Variants in SERPINA7 observed in about 807,000 individuals in gnomAD.
The protein encoded by SERPINA7 is serpin family A member 7, also known as thyroxine-binding globulin.
SERPINA7 carries 14 observed loss-of-function variants against 16.0 expected under a neutral mutation model. The observed-to-expected ratio is 0.88, with a 90% CI of 0.58 to 1.37. The LOEUF (loss-of-function observed/expected upper bound fraction) is 1.37, where lower values mean the gene tolerates loss of function less well. Ranked by LOEUF, SERPINA7 falls within the 40% of genes most tolerant of loss-of-function variation. The probability of loss-of-function intolerance (pLI) is 0.00; values close to 1 mark genes in which losing one functional copy is unlikely to be tolerated. For synonymous variants in SERPINA7, 140 were observed against 111.0 expected (o/e 1.26, Z -1.65); for missense variants, 335 against 296.6 (o/e 1.13, Z -0.95).
chrX:106,033,914 T>C lies in SERPINA7; in HGVS notation c.1045-211A>G. On this transcript the variant is annotated intron_variant, in intron 4 of 4. Coordinates refer to ENST00000372563, the MANE Select transcript of SERPINA7 (RefSeq NM_000354.6). The stretch of plus-strand genomic sequence containing the variant: ...CCATTGGGAAACACCTCATTCACTA[T>C]GGCCTGCTGCCGCCAGGAGTCACCT... The C allele has an allele frequency of 4.1e-6, 3 of 731,971 alleles. No homozygotes were observed. The South Asian group carries it at 8.4e-5, about 20-fold the overall frequency. The allele number at this position is 731,971 out of a possible 1,213,427, so 60.3% of individuals were successfully genotyped here. A position where few individuals can be genotyped will look rare whatever the true frequency, so the allele number is the denominator to read the frequency against.
In SERPINA7 at chrX:106,033,652, C is replaced by A. The variant is rs756407945; in HGVS notation, c.1096G>T (p.Ala366Ser). Residue 366 changes from alanine to serine, a missense_variant, in exon 5 of 5, where the codon GCT becomes TCT. Coordinates refer to ENST00000372563, the MANE Select transcript of SERPINA7 (RefSeq NM_000354.6). ...HIGEKGTEAA[A>S]VPEVELSDQP... is the part of the protein sequence containing the mutation. ...TCCGAAAGTTCAACTTCAGGGACAG[C>A]TGCAGCTTCAGTTCCCTTTTCACCA... is the stretch of plus-strand genomic sequence containing the variant. The A allele has an allele frequency of 8.3e-7, 1 of 1,209,685 alleles. No individual in the cohort carries two copies. Among genetic ancestry groups the A allele is most frequent in the African/African-American group, 1.7e-5 (1 of 57,149 alleles).
chrX:106,034,126 G>A (rs774424226), intron 4 of SERPINA7, 109 bp downstream of exon 4: 67 of 763,220 alleles, frequency 8.8e-5, no homozygotes, highest in South Asian at 6.0e-4. Context: ...GAGTCACACC[G>A]CCTCTCTAGG....
At position 106,035,402 on chromosome X, in the gene SERPINA7, A is replaced by C; in HGVS notation, c.623-17T>G. On this transcript the variant is annotated splice_polypyrimidine_tract_variant and intron_variant, in intron 2 of 4. Transcript: ENST00000372563. ...CCCACTGGGCTTAAAATACAAAGAAAAGAGAGGTGTTTATTTTAAACCGGT... is the reference window on the plus strand; with the variant it reads ...CCCACTGGGCTTAAAATACAAAGAACAGAGAGGTGTTTATTTTAAACCGGT... The C allele has an allele frequency of 8.3e-7, 1 of 1,201,797 alleles. No homozygotes were observed. The highest frequency in any genetic ancestry group is 3.0e-5 in the East Asian group (1 of 33,712).
chrX:106,038,643 C>A (rs1308238160), intron 1 of SERPINA7, 55 bp downstream of exon 1: 1 of 111,671 alleles, frequency 9.0e-6, no homozygotes, highest in Non-Finnish European at 1.9e-5. Context: ...TTATTTGGGA[C>A]TCTGACTTGC....
At position 106,036,576 on chromosome X, in the gene SERPINA7, G is replaced by A. The variant is rs756916897; in HGVS notation, c.483C>T (p.Thr161=). The change falls in exon 2 of 5, where the codon ACC becomes ACT. Residue 161 remains threonine, a synonymous_variant. Coordinates refer to ENST00000372563, the MANE Select transcript of SERPINA7 (RefSeq NM_000354.6). ...TGGCTGCAGAAATGTTGGAGAAGTC[G>A]GTAGAAAAGACTTCAGTCTCATAGA... The part of the protein sequence containing the change: ...KTLYETEVFS[T]DFSNISAAKQ... 12 of 1,209,238 alleles carry A rather than the reference G, an allele frequency of 9.9e-6. No individual in the cohort carries two copies. Among genetic ancestry groups the A allele is most frequent in the Admixed American group, 4.4e-5 (2 of 45,634 alleles).
chrX:106,035,436 C>T (rs1215162797), intron 2 of SERPINA7, 51 bp from the exon 3 acceptor site: 1 of 1,109,083 alleles, frequency 9.0e-7, no homozygotes, highest in African/African-American at 1.8e-5. Context: ...GTATCAGTAC[C>T]AACAAGACCT....
Position 106,036,967 on chromosome X carries a change from T to C in SERPINA7, c.92A>G (p.His31Arg), listed in dbSNP as rs1047401242. 4 of 1,209,077 alleles carry C rather than the reference T, an allele frequency of 3.3e-6. No homozygotes were observed. Among genetic ancestry groups the C allele is most frequent in the Non-Finnish European group, 2.2e-6 (2 of 894,664 alleles). Residue 31 changes from histidine (H) to arginine (R), a missense_variant, in exon 2 of 5, where the codon CAT becomes CGT. Coordinates refer to ENST00000372563, the MANE Select transcript of SERPINA7 (RefSeq NM_000354.6). ...ASPEGKVTACHSSQPNATLYK... is the reference protein window; with the variant it reads ...ASPEGKVTACRSSQPNATLYK... ...GAGAGTGGCATTTGGTTGGGATGAA[T>C]GGCAGGCTGTTACTTTGCCTTCAGG...
At chrX:106,037,263 A>G (rs2041459263) in intron 1 of SERPINA7, 188 bp from the exon 2 acceptor site, 1 of 413,252 alleles carries the variant, frequency 2.4e-6, no homozygotes, top group Non-Finnish European at 4.2e-6. Context: ...TAATATGGAC[A>G]GGGAGTAGGA....
intron 1 of SERPINA7, among the ~76,000 whole-genome samples, chrX:106,038,275 G>T (rs1405982631): frequency 9.0e-6 from 1 of 111,501 alleles, no homozygotes; most frequent in Non-Finnish European, 1.9e-5. Flanking sequence ...CAGATACCTG[G>T]GAATAATCAT....
At chrX:106,033,892 T>C (rs2041427954) in intron 4 of SERPINA7, 189 bp from the exon 5 acceptor site, 1 of 850,077 alleles carries the variant, frequency 1.2e-6, no homozygotes. Context: ...CGGCTAGCCA[T>C]TGGGAAACAC....
intron 2 of SERPINA7, 61 bp downstream of exon 2, chrX:106,036,376 C>T (rs1029267300): frequency 2.6e-6 from 3 of 1,158,675 alleles, no homozygotes; most frequent in Non-Finnish European, 3.5e-6. Context: ...CATGAGCTCC[C>T]CTCAGCACTC....
At position 106,034,366 on chromosome X, in the gene SERPINA7, C is replaced by A. The variant is rs1009976334; in HGVS notation, c.913G>T (p.Val305Phe). 4 of 1,206,931 alleles carry A rather than the reference C, an allele frequency of 3.3e-6. No individual in the cohort carries two copies. In the East Asian group the frequency reaches 8.9e-5, roughly 27 times the overall value. ...GTGGCAGAAATGGAAAACTTTGGAA[C>A]AAACAAGTCAACCCATCTGTGGGAA... ...LLQKGWVDLFVPKFSISATYD... is the reference protein window; with the variant it reads ...LLQKGWVDLFFPKFSISATYD... Residue 305 changes from valine to phenylalanine, a missense_variant, in exon 4 of 5, where the codon GTT becomes TTT. Val to Phe is a conservative substitution (Grantham distance 50). Coordinates refer to ENST00000372563, the MANE Select transcript of SERPINA7 (RefSeq NM_000354.6).
In SERPINA7 at chrX:106,033,691, C is replaced by A. The variant is rs770608482; in HGVS notation, c.1057G>T (p.Ala353Ser). 3 of 1,210,523 alleles carry A rather than the reference C, an allele frequency of 2.5e-6. No individual in the cohort carries two copies. Among genetic ancestry groups the A allele is most frequent in the Non-Finnish European group, 3.4e-6 (3 of 894,504 alleles). The change falls in exon 5 of 5, where the codon GCT becomes TCT. Residue 353 changes from alanine to serine, a missense_variant. Coordinates refer to ENST00000372563, the MANE Select transcript of SERPINA7 (RefSeq NM_000354.6). ...GLKLSNAAHK[A>S]VLHIGEKGTE... is the part of the protein sequence containing the mutation. ...CCCTTTTCACCAATGTGCAGCACAG[C>A]CTTATGGGCAGCCTGTGTGGGGAGA...
At chrX:106,037,933 A>G (rs1333839139) in intron 1 of SERPINA7, among the ~76,000 whole-genome samples, 1 of 111,344 alleles carries the variant, frequency 9.0e-6, no homozygotes, top group East Asian at 2.9e-4. Flanking sequence ...AATCCAATGA[A>G]AGTGGACATG....
In SERPINA7 at chrX:106,036,532, T is replaced by A; in HGVS notation, c.527A>T (p.His176Leu). 1 of 1,211,357 alleles carries A rather than the reference T, an allele frequency of 8.3e-7. No homozygotes were observed. Among genetic ancestry groups the A allele is most frequent in the Non-Finnish European group, 1.1e-6 (1 of 895,145 alleles). Reference sequence around the variant, plus strand: ...TTTCCCTTTGGTTTGCATCTCCACATGACTGTTAATCTCCTGCTTGGCTGC... The same window carrying A: ...TTTCCCTTTGGTTTGCATCTCCACAAGACTGTTAATCTCCTGCTTGGCTGC... ...ISAAKQEINS[H>L]VEMQTKGKVV... The change falls in exon 2 of 5, where the codon CAT becomes CTT. Residue 176 changes from histidine to leucine, a missense_variant. Physicochemically the swap from His to Leu is moderately conservative, Grantham distance 99 (BLOSUM62 -3). Transcript: ENST00000372563.
At chrX:106,035,833 T>G (rs2041445157) in intron 2 of SERPINA7, among the ~76,000 whole-genome samples, 1 of 112,330 alleles carries the variant, frequency 8.9e-6, no homozygotes, top group African/African-American at 3.2e-5. Context: ...GGAGAAATCA[T>G]TTGAGCACAG....
At chrX:106,038,040 C>T (rs1204325279) in intron 1 of SERPINA7, among the ~76,000 whole-genome samples, 1 of 111,487 alleles carries the variant, frequency 9.0e-6, no homozygotes, top group African/African-American at 3.3e-5. Context: ...CACTCAATTG[C>T]TAGAAACTGT....
intron 1 of SERPINA7, among the ~76,000 whole-genome samples, chrX:106,037,665 C>T (rs1372631234): frequency 4.5e-5 from 5 of 110,853 alleles, no homozygotes; most frequent in African/African-American, 1.6e-4. Context: ...ATGCATTTTG[C>T]AATGCATGGA....
rs1416268527 is a variant in SERPINA7 at position 106,032,740 on chromosome X, C to T, written c.*760G>A. 9.0e-6 allele frequency: 1 copy of T among 111,470 alleles called. No homozygotes were observed. The highest frequency in any genetic ancestry group is 1.9e-5 in the Non-Finnish European group (1 of 53,073). The allele number at this position is 111,470 out of a possible 1,213,427, so 9.2% of individuals were successfully genotyped here. A position where few individuals can be genotyped will look rare whatever the true frequency, so the allele number is the denominator to read the frequency against. Reference sequence around the variant, plus strand: ...GAAATTAGAGCCAAAAAGGAGATTCCTACTTAAACAAGTGGGACAGGGGTG... The same window carrying T: ...GAAATTAGAGCCAAAAAGGAGATTCTTACTTAAACAAGTGGGACAGGGGTG... On this transcript the variant is annotated 3_prime_UTR_variant, in exon 5 of 5. Transcript: ENST00000372563.
Sources: gnomAD v4.1 joint callset for allele counts (sites outside exome capture counted in the v4.1 genomes callset) on GRCh38, gnomAD v4.1.1 for gene constraint, MANE v1.5 for transcripts, NCBI Gene and HGNC (gene_info 2026-07-23, HGNC 2026-07-21) for gene names.